The following PKHD1L1 variants were observed in gnomAD, a reference collection of about 807,000 sequenced individuals.
The protein encoded by PKHD1L1 is PKHD1 like 1, also known as fibrocystin-L.
Under a neutral mutation model 462.9 loss-of-function variants are expected in PKHD1L1, and 434 were observed. The observed-to-expected ratio is 0.94, with a 90% CI of 0.87 to 1.02. The LOEUF (loss-of-function observed/expected upper bound fraction) is 1.02, where lower values mean the gene tolerates loss of function less well. Among genes scored for constraint, PKHD1L1 ranks in the 50% least tolerant of loss-of-function variants. The pLI is 0.00. For synonymous variants in PKHD1L1, 1,781 were observed against 1,750.0 expected (o/e 1.02, Z -0.44); for missense variants, 5,202 against 5,096.1 (o/e 1.02, Z -0.63).
rs1818277934 is a variant in PKHD1L1, at chr8:109,481,573, A to G, written c.9457+11A>G. ...GGGCAAAGGTCTTAGGTGTGTGTCTACAGATACCAAAAGTGTCACATCTGT... is the reference window on the plus strand; with the variant it reads ...GGGCAAAGGTCTTAGGTGTGTGTCTGCAGATACCAAAAGTGTCACATCTGT... On this transcript the variant is annotated intron_variant, in intron 56 of 77. Coordinates refer to ENST00000378402, the MANE Select transcript of PKHD1L1 (RefSeq NM_177531.6). The G allele has an allele frequency of 6.4e-7, 1 of 1,556,068 alleles. No individual in the cohort carries two copies. Among genetic ancestry groups the G allele is most frequent in the Non-Finnish European group, 8.7e-7 (1 of 1,155,016 alleles).
At chr8:109,416,990 G>T (rs1374224956) in intron 21 of PKHD1L1, among the ~76,000 whole-genome samples, 1 of 152,034 alleles carries the variant, frequency 6.6e-6, no homozygotes, top group East Asian at 1.9e-4. Context: ...ATTGATCCTT[G>T]TTCTTCTGTA....
Position 109,441,327 on chromosome 8 carries a change from T to G in PKHD1L1, c.4152T>G (p.Ile1384Met), listed in dbSNP as rs761146387. 6.3e-6 allele frequency: 10 copies of G among 1,592,034 alleles called. No individual in the cohort carries two copies. The Admixed American group carries it at 1.6e-4, about 25-fold the overall frequency. Residue 1384 changes from isoleucine to methionine, a missense_variant, in exon 34 of 78, where the codon ATT (isoleucine) becomes ATG (methionine). Physicochemically the swap from Ile to Met is conservative, Grantham distance 10. This residue lies in a region of PKHD1L1 where 4,497 missense variants were observed against 4,336.8 expected (regional missense o/e 1.04). Transcript: ENST00000378402. ...TSSSENVIKC[I>M]LHSTGNIFRI... ...CATCAGAAAATGTCATAAAATGTAT[T>G]CTTCATTCAACTGGGAATATATTCA... is the stretch of plus-strand genomic sequence containing the variant.
rs140924938 is a variant in PKHD1L1, at chr8:109,515,072, T to G, written c.11554-98T>G. 3.6e-4 allele frequency: 350 copies of G among 969,658 alleles called. 2 individuals carry two copies. In the African/African-American group the frequency reaches 5.3e-3, roughly 15 times the overall value. 60.1% of individuals were successfully genotyped at this position (969,658 alleles called of 1,614,324 possible). Reference sequence around the variant, plus strand: ...CCAAATCCATAAAACTTAGTTTTAATAGTTTGCAGAAAGTATACAATATTG... The same window carrying G: ...CCAAATCCATAAAACTTAGTTTTAAGAGTTTGCAGAAAGTATACAATATTG... On this transcript the variant is annotated intron_variant, in intron 71 of 77. Transcript: ENST00000378402.
At chr8:109,412,142 A>G in intron 19 of PKHD1L1, 123 bp from the exon 20 acceptor site, 1 of 885,600 alleles carries the variant, frequency 1.1e-6, no homozygotes, top group East Asian at 2.6e-5. Flanking sequence ...AAAACATCTA[A>G]AGTTAAAGTA....
Position 109,518,379 on chromosome 8 carries a change from ATACC to A in PKHD1L1, c.11903_11906del (p.Ile3968LysfsTer10). The A allele has an allele frequency of 2.5e-6, 4 of 1,613,396 alleles. No homozygotes were observed. Among genetic ancestry groups the A allele is most frequent in the Non-Finnish European group, 2.5e-6 (3 of 1,179,550 alleles). On this transcript the variant is annotated frameshift_variant, in exon 73 of 78. Transcript: ENST00000378402. LOFTEE classifies it high-confidence loss of function. ...TAAAAATCTTGCCTTGTTCCTAAAG[ATACC>A]AAGTGACAAAATCCGTATCAGCAAA...
chr8:109,449,516 C>A, intron 40 of PKHD1L1, 29 bp downstream of exon 40: 1 of 1,526,582 alleles, frequency 6.6e-7, no homozygotes, highest in South Asian at 1.3e-5. Flanking sequence ...TAATGGCAGT[C>A]TTTGAGAACT....
At chr8:109,367,791 T>C (rs1195005108) in intron 2 of PKHD1L1, among the ~76,000 whole-genome samples, 2 of 152,078 alleles carry the variant, frequency 1.3e-5, no homozygotes, top group African/African-American at 4.8e-5. Context: ...TAGTCCTAGC[T>C]ACTTGGGAGG....
At chr8:109,365,898 C>G (rs957565510) in intron 2 of PKHD1L1, among the ~76,000 whole-genome samples, 5 of 152,280 alleles carry the variant, frequency 3.3e-5, no homozygotes, top group Admixed American at 3.3e-4. Context: ...CGCTTGAACC[C>G]AGGAGGCAGA....
rs1820592449 is a variant in PKHD1L1, at chr8:109,522,319, T to A, written c.12165T>A (p.Ser4055Arg). 3.1e-6 allele frequency: 5 copies of A among 1,588,908 alleles called. No individual in the cohort carries two copies. The highest frequency in any genetic ancestry group is 1.7e-6 in the Non-Finnish European group (2 of 1,170,454). Reference sequence around the variant, plus strand: ...TTACTAATCCCCTCCCCAGCCCAAGTGACTCTGGGTGGATTAAGGTAAGAA... The same window carrying A: ...TTACTAATCCCCTCCCCAGCCCAAGAGACTCTGGGTGGATTAAGGTAAGAA... Reference protein sequence around the residue: ...MSITNPLPSPSDSGWIKVTAQ... With the variant: ...MSITNPLPSPRDSGWIKVTAQ... Residue 4055 changes from serine (S) to arginine (R), a missense_variant, in exon 74 of 78, where the codon AGT becomes AGA. Physicochemically the swap from Ser to Arg is moderately radical, Grantham distance 110 (BLOSUM62 -1). Transcript: ENST00000378402.
At chr8:109,371,472 G>A (rs1272357759) in intron 2 of PKHD1L1, among the ~76,000 whole-genome samples, 3 of 150,034 alleles carry the variant, frequency 2.0e-5, no homozygotes, top group Non-Finnish European at 4.4e-5. Flanking sequence ...CACTCTGATG[G>A]TAGTTTCTTT....
rs1427663620 is a variant in PKHD1L1, at chr8:109,435,136, C to G, written c.3341-54C>G. 5.1e-6 allele frequency: 8 copies of G among 1,579,408 alleles called. No individual in the cohort carries two copies. In the Admixed American group the frequency reaches 1.0e-4, roughly 21 times the overall value. The stretch of plus-strand genomic sequence containing the variant: ...TAGTATTTGCAAGCATAACTTTTAT[C>G]TCATAAAACCATTTGATTTACCATT... On this transcript the variant is annotated intron_variant, in intron 28 of 77. Coordinates refer to ENST00000378402, the MANE Select transcript of PKHD1L1 (RefSeq NM_177531.6).
intron 23 of PKHD1L1, among the ~76,000 whole-genome samples, chr8:109,422,742 C>T (rs1814537915): frequency 6.6e-6 from 1 of 151,888 alleles, no homozygotes; most frequent in Non-Finnish European, 1.5e-5. Flanking sequence ...CCCAACAGTG[C>T]AATTATAGGG....
chr8:109,451,618 T>C (rs1349426823), intron 41 of PKHD1L1, among the ~76,000 whole-genome samples: 1 of 152,192 alleles, frequency 6.6e-6, no homozygotes, highest in Non-Finnish European at 1.5e-5. Context: ...TGGCTCAAAT[T>C]TGTGTACTGC....
At chr8:109,404,964 A>G in intron 15 of PKHD1L1, 31 bp from the exon 16 acceptor site, 2 of 1,333,548 alleles carry the variant, frequency 1.5e-6, no homozygotes, top group Non-Finnish European at 2.0e-6. Flanking sequence ...TATTTTTCAT[A>G]TATTAAAAAT....
chr8:109,435,192 A>G lies in PKHD1L1; in HGVS notation c.3343A>G (p.Lys1115Glu). Residue 1115 changes from lysine (K) to glutamate (E), a missense_variant and splice_region_variant, in exon 29 of 78, where the codon AAA becomes GAA. Transcript: ENST00000378402. ...CATCTTTTTCTTTTTTTCACAAGAA[A>G]AAGAGCTCAAGTGCCAGATTCTGAA... is the stretch of plus-strand genomic sequence containing the variant. ...VGCSLLSVDE[K>E]ELKCQILNGS... 1 of 1,612,330 alleles carries G rather than the reference A, an allele frequency of 6.2e-7. No individual in the cohort carries two copies. The highest frequency in any genetic ancestry group is 8.5e-7 in the Non-Finnish European group (1 of 1,179,342).
chr8:109,502,939 T>C (rs541902355), intron 67 of PKHD1L1, among the ~76,000 whole-genome samples: 99 of 152,280 alleles, frequency 6.5e-4, no homozygotes, highest in African/African-American at 2.3e-3. Context: ...CATAGCTACT[T>C]GTGGTAATGG....
chr8:109,438,918 A>G lies in PKHD1L1; in HGVS notation c.3782A>G (p.Lys1261Arg). ...TILGEVNLTI[K>R]GYNFGNELTQ... is the part of the protein sequence containing the mutation. Reference sequence around the variant, plus strand: ...CCAGGAGAAGTTAATTTAACAATTAAGGGCTATAATTTTGGAAATGAACTC... The same window carrying G: ...CCAGGAGAAGTTAATTTAACAATTAGGGGCTATAATTTTGGAAATGAACTC... The change falls in exon 32 of 78, where the codon AAG (lysine) becomes AGG (arginine). Residue 1261 changes from lysine to arginine, a missense_variant. Physicochemically the swap from Lys to Arg is conservative, Grantham distance 26 (BLOSUM62 2). This residue lies in a region of PKHD1L1 where 4,497 missense variants were observed against 4,336.8 expected (regional missense o/e 1.04). Coordinates refer to ENST00000378402, the MANE Select transcript of PKHD1L1 (RefSeq NM_177531.6). 2 of 1,610,568 alleles carry G rather than the reference A, an allele frequency of 1.2e-6. No individual in the cohort carries two copies. The highest frequency in any genetic ancestry group is 1.7e-6 in the Non-Finnish European group (2 of 1,178,394).
intron 20 of PKHD1L1, among the ~76,000 whole-genome samples, chr8:109,412,791 C>G (rs1425783552): frequency 6.6e-6 from 1 of 151,934 alleles, no homozygotes; most frequent in African/African-American, 2.4e-5. Flanking sequence ...GATATCCAGT[C>G]AGGGAGAAGT....
At chr8:109,527,521 G>A (rs772773525) in intron 77 of PKHD1L1, among the ~76,000 whole-genome samples, 4 of 152,018 alleles carry the variant, frequency 2.6e-5, no homozygotes, top group South Asian at 4.2e-4. Context: ...AAATAAATAC[G>A]TATGTAAATA....
Sources: allele counts gnomAD v4.1 joint callset (sites outside exome capture counted in the v4.1 genomes callset), GRCh38; gene constraint gnomAD v4.1.1; regional missense constraint gnomAD v4.1.1; transcripts MANE v1.5; gene names NCBI Gene and HGNC (gene_info 2026-07-23, HGNC 2026-07-21).